TENT5A: variants seen among roughly 807,000 people sequenced by gnomAD.
TENT5A encodes terminal nucleotidyltransferase 5A.
A neutral mutation model predicts 30.2 loss-of-function variants in TENT5A; 9 were observed. The ratio of observed to expected loss-of-function variants is 0.30; its 90% CI spans 0.18 to 0.52. TENT5A has a LOEUF of 0.52. Ranked by LOEUF, TENT5A falls within the 20% of genes least tolerant of loss-of-function variation. The probability of loss-of-function intolerance (pLI) is 0.97; values close to 1 mark genes in which losing one functional copy is unlikely to be tolerated. For missense variants in TENT5A, 411 were observed against 566.1 expected (o/e 0.73, Z 2.78); for synonymous variants, 264 against 234.2 (o/e 1.13, Z -1.16).
chr6:81,749,840 A>T lies in TENT5A; in HGVS notation c.1184T>A (p.Ile395Asn). The T allele has an allele frequency of 6.2e-7, 1 of 1,614,138 alleles. No homozygotes were observed. The change falls in exon 3 of 3, where the codon ATT becomes AAT. Residue 395 changes from isoleucine to asparagine, a missense_variant. This residue lies in a region of TENT5A where 75 missense variants were observed against 80.9 expected (regional missense o/e 0.93). Transcript: ENST00000320172. The stretch of plus-strand genomic sequence containing the variant: ...GCAAGTGACATTAGCCACATTAGGA[A>T]TGACATTTTGGTCAGCTAACACCCG... ...AIRVLADQNV[I>N]PNVANVTCYY...
In TENT5A at chr6:81,752,513, G is replaced by T; in HGVS notation, c.-120C>A. ...CAACACTTCCAGGAGCTGCGAGCGC[G>T]CTCAGACAGCAAATAGCGACTTCGT... is the stretch of plus-strand genomic sequence containing the variant. On this transcript the variant is annotated 5_prime_UTR_variant, in exon 1 of 3. Coordinates refer to ENST00000320172, the MANE Select transcript of TENT5A (RefSeq NM_017633.3). 5.0e-6 allele frequency: 7 copies of T among 1,412,732 alleles called. No homozygotes were observed. Among genetic ancestry groups the T allele is most frequent in the Non-Finnish European group, 6.9e-6 (7 of 1,021,688 alleles). The allele number at this position is 1,412,732 out of a possible 1,614,324, so 87.5% of individuals were successfully genotyped here. A position where few individuals can be genotyped will look rare whatever the true frequency, so the allele number is the denominator to read the frequency against.
Position 81,746,467 on chromosome 6 carries a change from A to G in TENT5A, c.*3228T>C. 1 of 1,231,950 alleles carries G rather than the reference A, an allele frequency of 8.1e-7. No individual in the cohort carries two copies. 76.3% of individuals were successfully genotyped at this position (1,231,950 alleles called of 1,614,324 possible). On this transcript the variant is annotated 3_prime_UTR_variant, in exon 3 of 3. Transcript: ENST00000320172. Reference sequence around the variant, plus strand: ...TATTCTTCCATCCTTGCATTTTTGGAGCTACATTATTAGTCCATCCAATAC... The same window carrying G: ...TATTCTTCCATCCTTGCATTTTTGGGGCTACATTATTAGTCCATCCAATAC...
Position 81,751,998 on chromosome 6 carries a change from G to T in TENT5A, c.144C>A (p.Phe48Leu). 1 of 1,610,370 alleles carries T rather than the reference G, an allele frequency of 6.2e-7. No homozygotes were observed. The highest frequency in any genetic ancestry group is 8.5e-7 in the Non-Finnish European group (1 of 1,178,964). ...CGCAATAGTCCAAGCAATGCCCACC[G>T]AAGCTGCCGCCACCGCCGAAGTCGC... Reference protein sequence around the residue: ...GGGDFGGGGSFGGHCLDYCES... With the variant: ...GGGDFGGGGSLGGHCLDYCES... Residue 48 changes from phenylalanine (F) to leucine (L), a missense_variant, in exon 2 of 3, where the codon TTC becomes TTA. Coordinates refer to ENST00000320172, the MANE Select transcript of TENT5A (RefSeq NM_017633.3).
chr6:81,747,322 G>GT lies in TENT5A; in HGVS notation c.*2372dup, dbSNP rs1172074910. The GT allele has an allele frequency of 2.0e-6, 2 of 985,708 alleles. No homozygotes were observed. Among genetic ancestry groups the GT allele is most frequent in the African/African-American group, 3.5e-5 (2 of 57,234 alleles). The allele number at this position is 985,708 out of a possible 1,614,324, so 61.1% of individuals were successfully genotyped here. On this transcript the variant is annotated 3_prime_UTR_variant, in exon 3 of 3. Transcript: ENST00000320172. ...AGGCTTAATCTGCAAACTGAACAATGTTTCCTGGGAAGTTGCAATTAATTT... is the reference window on the plus strand; with the variant it reads ...AGGCTTAATCTGCAAACTGAACAATGTTTTCCTGGGAAGTTGCAATTAATTT...
rs975882152 is a variant in TENT5A at position 81,751,842 on chromosome 6, G to A, written c.300C>T (p.Ile100=). ...FPTLELQPSL[I]VKVVRRRLAE... is the part of the protein sequence containing the mutation. ...CCAGGCGCCGCCGCACCACCTTCAC[G>A]ATCAGGCTCGGCTGCAGCTCGAGCG... Residue 100 remains isoleucine (I), a synonymous_variant, in exon 2 of 3, where the codon ATC becomes ATT. Coordinates refer to ENST00000320172, the MANE Select transcript of TENT5A (RefSeq NM_017633.3). 1 of 1,613,026 alleles carries A rather than the reference G, an allele frequency of 6.2e-7. No homozygotes were observed. Among genetic ancestry groups the A allele is most frequent in the Non-Finnish European group, 8.5e-7 (1 of 1,179,880 alleles).
chr6:81,746,297 C>T lies in TENT5A; in HGVS notation c.*3398G>A, dbSNP rs1768883131. On this transcript the variant is annotated 3_prime_UTR_variant, in exon 3 of 3. Transcript: ENST00000320172. ...CTTTCAACATAATACATTTCATTTA[C>T]AAAATAGTTCACAATATTTATTTAA... 6 of 1,208,970 alleles carry T rather than the reference C, an allele frequency of 5.0e-6. No homozygotes were observed. In the South Asian group the frequency reaches 1.7e-4, roughly 35 times the overall value. The allele number at this position is 1,208,970 out of a possible 1,614,324, so 74.9% of individuals were successfully genotyped here.
Position 81,746,741 on chromosome 6 carries a change from T to G in TENT5A, c.*2954A>C. ...ACAAAAGGAAACAAATCACAGGCGC[T>G]AATAGGGAGTCGGGAGCTGTTCTTT... is the stretch of plus-strand genomic sequence containing the variant. On this transcript the variant is annotated 3_prime_UTR_variant, in exon 3 of 3. Transcript: ENST00000320172. 8.2e-7 allele frequency: 1 copy of G among 1,222,552 alleles called. No individual in the cohort carries two copies. The highest frequency in any genetic ancestry group is 1.0e-6 in the Non-Finnish European group (1 of 982,470). 75.7% of individuals were successfully genotyped at this position (1,222,552 alleles called of 1,614,324 possible).
In TENT5A at chr6:81,751,851, C is replaced by T. The variant is rs757159919; in HGVS notation, c.291G>A (p.Pro97=). The stretch of plus-strand genomic sequence containing the variant: ...GCCGCACCACCTTCACGATCAGGCT[C>T]GGCTGCAGCTCGAGCGTGGGGAAGT... The part of the protein sequence containing the change: ...RGNFPTLELQ[P]SLIVKVVRRR... Residue 97 remains proline, a synonymous_variant, in exon 2 of 3, where the codon CCG becomes CCA. Transcript: ENST00000320172. 1.9e-6 allele frequency: 3 copies of T among 1,613,124 alleles called. No individual in the cohort carries two copies. The highest frequency in any genetic ancestry group is 1.7e-6 in the Non-Finnish European group (2 of 1,179,908).
Position 81,748,317 on chromosome 6 carries a change from T to G in TENT5A, c.*1378A>C. 1 of 983,730 alleles carries G rather than the reference T, an allele frequency of 1.0e-6. No individual in the cohort carries two copies. The highest frequency in any genetic ancestry group is 1.2e-6 in the Non-Finnish European group (1 of 829,266). 60.9% of individuals were successfully genotyped at this position (983,730 alleles called of 1,614,324 possible). A position where few individuals can be genotyped will look rare whatever the true frequency, so the allele number is the denominator to read the frequency against. On this transcript the variant is annotated 3_prime_UTR_variant, in exon 3 of 3. Transcript: ENST00000320172. The stretch of plus-strand genomic sequence containing the variant: ...TGGGTTCCAACTGTCAAAATGGCAG[T>G]TCAATATAAAAAAGAGTGCTCTGCC...
In TENT5A at chr6:81,746,930, A is replaced by G. The variant is rs2127725778; in HGVS notation, c.*2765T>C. The G allele has an allele frequency of 2.0e-6, 2 of 1,007,892 alleles. No homozygotes were observed. The highest frequency in any genetic ancestry group is 2.4e-6 in the Non-Finnish European group (2 of 844,674). 62.4% of individuals were successfully genotyped at this position (1,007,892 alleles called of 1,614,324 possible). ...TTATATAAGTCTTAAAGTAAATGCT[A>G]GAAGTTGTCTTGAGTACAGCCTGTT... On this transcript the variant is annotated 3_prime_UTR_variant, in exon 3 of 3. Transcript: ENST00000320172.
At chr6:81,751,401 C>A (rs909861857) in intron 2 of TENT5A, among the ~76,000 whole-genome samples, 189 bp downstream of exon 2, 1 of 152,182 alleles carries the variant, frequency 6.6e-6, no homozygotes, top group African/African-American at 2.4e-5. Context: ...ATCAAGTAAA[C>A]TGAAACACTC....
rs1483604586 is a variant in TENT5A at position 81,748,709 on chromosome 6, C to G, written c.*986G>C. Reference sequence around the variant, plus strand: ...ACATGTACCTATGATAATATCAGATCAACAAATGTTAACTTTATACAAGTA... The same window carrying G: ...ACATGTACCTATGATAATATCAGATGAACAAATGTTAACTTTATACAAGTA... On this transcript the variant is annotated 3_prime_UTR_variant, in exon 3 of 3. Transcript: ENST00000320172. The G allele has an allele frequency of 1.0e-6, 1 of 982,216 alleles. No individual in the cohort carries two copies. Among genetic ancestry groups the G allele is most frequent in the East Asian group, 1.1e-4 (1 of 8,800 alleles). 60.8% of individuals were successfully genotyped at this position (982,216 alleles called of 1,614,324 possible). A position where few individuals can be genotyped will look rare whatever the true frequency, so the allele number is the denominator to read the frequency against.
In TENT5A at chr6:81,749,063, T is replaced by C. The variant is rs183837748; in HGVS notation, c.*632A>G. On this transcript the variant is annotated 3_prime_UTR_variant, in exon 3 of 3. Coordinates refer to ENST00000320172, the MANE Select transcript of TENT5A (RefSeq NM_017633.3). ...ATGCACGCAGCTGGAATTAATGGAT[T>C]GTGTCATCATAAGTTCTGCTGATTG... 51 of 985,904 alleles carry C rather than the reference T, an allele frequency of 5.2e-5. No individual in the cohort carries two copies. Among genetic ancestry groups the C allele is most frequent in the African/African-American group, 1.7e-5 (1 of 57,370 alleles). 61.1% of individuals were successfully genotyped at this position (985,904 alleles called of 1,614,324 possible).
intron 2 of TENT5A, 48 bp downstream of exon 2, chr6:81,751,542 C>T: frequency 6.6e-7 from 1 of 1,522,090 alleles, no homozygotes; most frequent in Non-Finnish European, 8.9e-7. Flanking sequence ...CCCCGTCACA[C>T]CCGGCCCAGA....
chr6:81,745,952 A>C lies in TENT5A; in HGVS notation c.*3743T>G. On this transcript the variant is annotated 3_prime_UTR_variant, in exon 3 of 3. Transcript: ENST00000320172. ...TGCAACAGAACACCTCAAAGCAGGC[A>C]TGATTGTAGAGAGGTTGGAGGGAGA... 1 of 985,816 alleles carries C rather than the reference A, an allele frequency of 1.0e-6. No individual in the cohort carries two copies. Among genetic ancestry groups the C allele is most frequent in the South Asian group, 4.7e-5 (1 of 21,288 alleles). 61.1% of individuals were successfully genotyped at this position (985,816 alleles called of 1,614,324 possible). A position where few individuals can be genotyped will look rare whatever the true frequency, so the allele number is the denominator to read the frequency against.
In TENT5A at chr6:81,746,574, C is replaced by T. The variant is rs1768889819; in HGVS notation, c.*3121G>A. 3 of 1,232,118 alleles carry T rather than the reference C, an allele frequency of 2.4e-6. No homozygotes were observed. The highest frequency in any genetic ancestry group is 3.0e-6 in the Non-Finnish European group (3 of 987,938). The allele number at this position is 1,232,118 out of a possible 1,614,324, so 76.3% of individuals were successfully genotyped here. On this transcript the variant is annotated 3_prime_UTR_variant, in exon 3 of 3. Transcript: ENST00000320172. ...GGAGTTCTTGAGGCAGCTGGATTTA[C>T]TGCAAATTAAGTAAACCTTTAAAAA...
Position 81,749,265 on chromosome 6 carries a change from G to A in TENT5A, c.*430C>T, listed in dbSNP as rs1768975012. 1.0e-6 allele frequency: 1 copy of A among 991,322 alleles called. No individual in the cohort carries two copies. Among genetic ancestry groups the A allele is most frequent in the African/African-American group, 1.7e-5 (1 of 57,560 alleles). The allele number at this position is 991,322 out of a possible 1,614,324, so 61.4% of individuals were successfully genotyped here. ...TCTGAACTCCTAAACTGATTCACAA[G>A]TTGGAGTGAGACCTTTTTTCCTCCG... On this transcript the variant is annotated 3_prime_UTR_variant, in exon 3 of 3. Coordinates refer to ENST00000320172, the MANE Select transcript of TENT5A (RefSeq NM_017633.3).
rs1768902396 is a variant in TENT5A at position 81,747,193 on chromosome 6, GATC to G, written c.*2499_*2501del. 1 of 985,418 alleles carries G rather than the reference GATC, an allele frequency of 1.0e-6. No homozygotes were observed. The highest frequency in any genetic ancestry group is 1.2e-6 in the Non-Finnish European group (1 of 829,912). 61.0% of individuals were successfully genotyped at this position (985,418 alleles called of 1,614,324 possible). Reference sequence around the variant, plus strand: ...TGTCAAGAGTTAGGGTAAGAAAGCAGATCACCAGCTGCTCCTGTGTTCACAAGT... The same window carrying G: ...TGTCAAGAGTTAGGGTAAGAAAGCAGACCAGCTGCTCCTGTGTTCACAAGT... On this transcript the variant is annotated 3_prime_UTR_variant, in exon 3 of 3. Coordinates refer to ENST00000320172, the MANE Select transcript of TENT5A (RefSeq NM_017633.3).
rs1562140606 is a variant in TENT5A at position 81,745,784 on chromosome 6, G to A, written c.*3911C>T. 8 of 985,606 alleles carry A rather than the reference G, an allele frequency of 8.1e-6. No individual in the cohort carries two copies. The highest frequency in any genetic ancestry group is 9.6e-6 in the Non-Finnish European group (8 of 829,708). 61.1% of individuals were successfully genotyped at this position (985,606 alleles called of 1,614,324 possible). ...CAAAAAAATCCAAATATTGGATGCT[G>A]TAAACAAAATTCACAATCTGTTCCC... On this transcript the variant is annotated 3_prime_UTR_variant, in exon 3 of 3. Coordinates refer to ENST00000320172, the MANE Select transcript of TENT5A (RefSeq NM_017633.3).
Sources: gnomAD v4.1 joint callset for allele counts (sites outside exome capture counted in the v4.1 genomes callset) on GRCh38, gnomAD v4.1.1 for gene constraint, gnomAD v4.1.1 regional missense constraint, MANE v1.5 for transcripts, NCBI Gene and HGNC (gene_info 2026-07-23, HGNC 2026-07-21) for gene names.